The following THBS1 variants were observed in gnomAD, a reference collection of about 807,000 sequenced individuals.
The protein encoded by THBS1 is thrombospondin-1.
THBS1 carries 29 observed loss-of-function variants against 126.1 expected under a neutral mutation model. That is an observed-to-expected ratio of 0.23 (90% CI 0.17 to 0.31). THBS1 has a LOEUF of 0.31. Among genes scored for constraint, THBS1 ranks in the 10% least tolerant of loss-of-function variants. THBS1 has a pLI of 1.00. For synonymous variants in THBS1, 496 were observed against 577.8 expected (o/e 0.86, Z 2.03); for missense variants, 1,198 against 1,545.2 (o/e 0.78, Z 3.77).
rs1007339196 is a variant in THBS1, at chr15:39,582,214, T to C, written c.89T>C (p.Val30Ala). ...RIPESGGDNS[V>A]FDIFELTGAA... ...ACAGAGTCTGGCGGAGACAACAGCG[T>C]GTTTGACATCTTTGAACTCACCGGG... The change falls in exon 3 of 22, where the codon GTG becomes GCG. Residue 30 changes from valine (V) to alanine (A), a missense_variant. Coordinates refer to ENST00000260356, the MANE Select transcript of THBS1 (RefSeq NM_003246.4). 6.2e-7 allele frequency: 1 copy of C among 1,608,076 alleles called. No homozygotes were observed. The highest frequency in any genetic ancestry group is 1.3e-5 in the African/African-American group (1 of 74,614).
Position 39,596,003 on chromosome 15 carries a change from G to C in THBS1, c.*634G>C. On this transcript the variant is annotated 3_prime_UTR_variant, in exon 22 of 22. Transcript: ENST00000260356. ...AGGCACTTAAATAGAAGCAGGAAAGGGAGACAAAGACTGGCTTCTGGACTT... is the reference window on the plus strand; with the variant it reads ...AGGCACTTAAATAGAAGCAGGAAAGCGAGACAAAGACTGGCTTCTGGACTT... 5.1e-6 allele frequency: 2 copies of C among 389,094 alleles called. No homozygotes were observed. The highest frequency in any genetic ancestry group is 3.8e-5 in the South Asian group (2 of 52,292). 24.1% of individuals were successfully genotyped at this position (389,094 alleles called of 1,614,324 possible). A position where few individuals can be genotyped will look rare whatever the true frequency, so the allele number is the denominator to read the frequency against.
rs926750367 is a variant in THBS1 at position 39,597,794 on chromosome 15, T to C, written c.*2425T>C. 1 of 152,156 alleles carries C rather than the reference T, an allele frequency of 6.6e-6. No homozygotes were observed. The highest frequency in any genetic ancestry group is 1.9e-4 in the East Asian group (1 of 5,192). The allele number at this position is 152,156 out of a possible 1,614,324, so 9.4% of individuals were successfully genotyped here. A position where few individuals can be genotyped will look rare whatever the true frequency, so the allele number is the denominator to read the frequency against. On this transcript the variant is annotated 3_prime_UTR_variant, in exon 22 of 22. Transcript: ENST00000260356. ...AGATGTCATTGAATCCTTTTCAAAG[T>C]GCAGTATGAAAACAAAGGGAAAAAC... is the stretch of plus-strand genomic sequence containing the variant.
At position 39,584,437 on chromosome 15, in the gene THBS1, C is replaced by G; in HGVS notation, c.1026+15C>G. ...GTCACTGTCAGGTAAGGGACCTTCA[C>G]CAGCCAGAATAAGAATCGACGGCTT... On this transcript the variant is annotated intron_variant, in intron 6 of 21. Coordinates refer to ENST00000260356, the MANE Select transcript of THBS1 (RefSeq NM_003246.4). The G allele has an allele frequency of 1.2e-6, 2 of 1,613,820 alleles. No homozygotes were observed. Among genetic ancestry groups the G allele is most frequent in the Non-Finnish European group, 1.7e-6 (2 of 1,179,912 alleles).
rs1890369086 is a variant in THBS1, at chr15:39,593,413, T to C, written c.3012T>C (p.Asn1004=). The change falls in exon 19 of 22, where the codon AAT becomes AAC. Residue 1004 remains asparagine, a synonymous_variant. Transcript: ENST00000260356. This position sits in a 1 kb window ranked among gnomAD's most constrained non-coding sequence, Gnocchi z 5.9. ...PGLAVGYDEF[N]AVDFSGTFFI... is the part of the protein sequence containing the mutation. ...TTCTTCCAGGTTATGATGAGTTTAA[T>C]GCTGTGGACTTCAGTGGCACCTTCT... 2 of 1,614,224 alleles carry C rather than the reference T, an allele frequency of 1.2e-6. No individual in the cohort carries two copies. The highest frequency in any genetic ancestry group is 1.7e-5 in the Admixed American group (1 of 60,028).
Position 39,592,778 on chromosome 15 carries a change from A to G in THBS1, c.2743A>G (p.Asn915Asp). Reference sequence around the variant, plus strand: ...CAAGGACAACTGCAGACTCGTGCCCAATCCCGACCAGAAGGACTCTGACGG... The same window carrying G: ...CAAGGACAACTGCAGACTCGTGCCCGATCCCGACCAGAAGGACTCTGACGG... ...DDKDNCRLVPNPDQKDSDGDG... is the reference protein window; with the variant it reads ...DDKDNCRLVPDPDQKDSDGDG... Residue 915 changes from asparagine to aspartate, a missense_variant, in exon 17 of 22, where the codon AAT becomes GAT. By Grantham distance (23) the Asn-to-Asp change is conservative. This residue lies in a region of THBS1 where 255 missense variants were observed against 373.9 expected (regional missense o/e 0.68). Coordinates refer to ENST00000260356, the MANE Select transcript of THBS1 (RefSeq NM_003246.4). This position sits in a 1 kb window ranked among gnomAD's most constrained non-coding sequence, Gnocchi z 4.3. 6.2e-7 allele frequency: 1 copy of G among 1,613,872 alleles called. No individual in the cohort carries two copies. The highest frequency in any genetic ancestry group is 8.5e-7 in the Non-Finnish European group (1 of 1,179,840).
rs775640825 is a variant in THBS1, at chr15:39,592,849, T to C, written c.2767+47T>C. The C allele has an allele frequency of 1.9e-6, 3 of 1,582,612 alleles. No individual in the cohort carries two copies. Among genetic ancestry groups the C allele is most frequent in the Non-Finnish European group, 2.6e-6 (3 of 1,159,100 alleles). Reference sequence around the variant, plus strand: ...CTAAGACAGGGACTGCTGGCACAGCTGTGTAGATTGAAGAAATGAAACCAA... The same window carrying C: ...CTAAGACAGGGACTGCTGGCACAGCCGTGTAGATTGAAGAAATGAAACCAA... On this transcript the variant is annotated intron_variant, in intron 17 of 21. Transcript: ENST00000260356. The surrounding 1 kb of genome is among the most constrained non-coding windows in gnomAD (Gnocchi z 4.3).
chr15:39,581,801 C>T (rs2140342049), intron 1 of THBS1, 28 bp from the exon 2 acceptor site: 1 of 1,499,894 alleles, frequency 6.7e-7, no homozygotes, highest in East Asian at 2.3e-5. Context: ...TGATCTCTGA[C>T]CCTCGGCTCT....
rs1029711818 is a variant in THBS1, at chr15:39,595,618, T to C, written c.*249T>C. ...CATATAAACAATTGCTTTGGTTTCC[T>C]TTTGAAAAAGCATCTACTTGCTTCA... On this transcript the variant is annotated 3_prime_UTR_variant, in exon 22 of 22. Coordinates refer to ENST00000260356, the MANE Select transcript of THBS1 (RefSeq NM_003246.4). The C allele has an allele frequency of 1.1e-5, 7 of 630,684 alleles. No homozygotes were observed. Among genetic ancestry groups the C allele is most frequent in the Non-Finnish European group, 2.0e-5 (7 of 342,118 alleles). The allele number at this position is 630,684 out of a possible 1,614,324, so 39.1% of individuals were successfully genotyped here.
chr15:39,591,524 C>T lies in THBS1; in HGVS notation c.2433C>T (p.Asp811=). 2 of 1,614,190 alleles carry T rather than the reference C, an allele frequency of 1.2e-6. No individual in the cohort carries two copies. Among genetic ancestry groups the T allele is most frequent in the South Asian group, 2.2e-5 (2 of 91,086 alleles). ...IDGDGILNER[D]NCQYVYNVDQ... The stretch of plus-strand genomic sequence containing the variant: ...CTTCAGGTATCCTCAATGAACGGGA[C>T]AACTGCCAGTACGTCTACAATGTGG... The change falls in exon 16 of 22, where the codon GAC becomes GAT. Residue 811 remains aspartate (D), a synonymous_variant. Coordinates refer to ENST00000260356, the MANE Select transcript of THBS1 (RefSeq NM_003246.4).
chr15:39,592,127 A>G lies in THBS1; in HGVS notation c.2533-441A>G, dbSNP rs1263007461. ...CCAGACAGTATACAACACAGGGACC[A>G]GTGGTCTGTTTCCATCTTTTCAGGA... On this transcript the variant is annotated intron_variant, in intron 16 of 21. Coordinates refer to ENST00000260356, the MANE Select transcript of THBS1 (RefSeq NM_003246.4). The surrounding 1 kb of genome is among the most constrained non-coding windows in gnomAD (Gnocchi z 4.3). Among the ~76,000 whole-genome samples, 1 of 152,244 alleles carries G rather than the reference A, an allele frequency of 6.6e-6. No homozygotes were observed. Among genetic ancestry groups the G allele is most frequent in the Non-Finnish European group, 1.5e-5 (1 of 68,044 alleles).
At position 39,597,952 on chromosome 15, in the gene THBS1, T is replaced by A. The variant is rs574937582; in HGVS notation, c.*2583T>A. 2 of 152,322 alleles carry A rather than the reference T, an allele frequency of 1.3e-5. No individual in the cohort carries two copies. Among genetic ancestry groups the A allele is most frequent in the South Asian group, 4.1e-4 (2 of 4,828 alleles). 9.4% of individuals were successfully genotyped at this position (152,322 alleles called of 1,614,324 possible). A position where few individuals can be genotyped will look rare whatever the true frequency, so the allele number is the denominator to read the frequency against. On this transcript the variant is annotated 3_prime_UTR_variant, in exon 22 of 22. Coordinates refer to ENST00000260356, the MANE Select transcript of THBS1 (RefSeq NM_003246.4). ...TGAGGGAGGAGCTGTCCTTGCAATG[T>A]TGAGCCAAGCATTACAGATACCTCC... is the stretch of plus-strand genomic sequence containing the variant.
chr15:39,590,948 G>A (rs895935836), intron 14 of THBS1: 129 of 559,600 alleles, frequency 2.3e-4, no homozygotes, highest in Admixed American at 1.7e-4. Flanking sequence ...GGCACACTAT[G>A]AACTGAGATG....
chr15:39,599,383 A>G lies in THBS1; in HGVS notation c.*4014A>G, dbSNP rs1440030116. On this transcript the variant is annotated 3_prime_UTR_variant, in exon 22 of 22. Transcript: ENST00000260356. ...CTTCCCCCTTACCTAAATAACAGAAAGGCTCACTATGTCCCAAATATCATT... is the reference window on the plus strand; with the variant it reads ...CTTCCCCCTTACCTAAATAACAGAAGGGCTCACTATGTCCCAAATATCATT... The G allele has an allele frequency of 6.6e-6, 1 of 152,178 alleles. No individual in the cohort carries two copies. Among genetic ancestry groups the G allele is most frequent in the Admixed American group, 6.5e-5 (1 of 15,268 alleles). The allele number at this position is 152,178 out of a possible 1,614,324, so 9.4% of individuals were successfully genotyped here.
At position 39,582,305 on chromosome 15, in the gene THBS1, C is replaced by G. The variant is rs1371677727; in HGVS notation, c.180C>G (p.Arg60=). The change falls in exon 3 of 22, where the codon CGC becomes CGG. Residue 60 remains arginine (R), a synonymous_variant. Coordinates refer to ENST00000260356, the MANE Select transcript of THBS1 (RefSeq NM_003246.4). ...KGPDPSSPAF[R]IEDANLIPPV... ...CCGACCCTTCCAGCCCAGCTTTCCGCATCGAGGATGCCAACCTGATCCCCC... is the reference window on the plus strand; with the variant it reads ...CCGACCCTTCCAGCCCAGCTTTCCGGATCGAGGATGCCAACCTGATCCCCC... The G allele has an allele frequency of 6.2e-7, 1 of 1,614,246 alleles. No individual in the cohort carries two copies. The highest frequency in any genetic ancestry group is 8.5e-7 in the Non-Finnish European group (1 of 1,180,046).
intron 8 of THBS1, 91 bp from the exon 9 acceptor site, chr15:39,587,951 C>T: frequency 7.5e-7 from 1 of 1,335,484 alleles, no homozygotes; most frequent in Non-Finnish European, 1.0e-6. Context: ...TTGACCATTT[C>T]CTGGAAATAC....
intron 6 of THBS1, 130 bp from the exon 7 acceptor site, chr15:39,585,340 G>A: frequency 2.7e-6 from 2 of 747,594 alleles, no homozygotes; most frequent in Non-Finnish European, 4.6e-6. Flanking sequence ...ACAGATCTAT[G>A]AAAATCATTC....
chr15:39,590,549 G>A lies in THBS1; in HGVS notation c.2179G>A (p.Glu727Lys). The A allele has an allele frequency of 6.2e-7, 1 of 1,613,976 alleles. No homozygotes were observed. Residue 727 changes from glutamate (E) to lysine (K), a missense_variant, in exon 14 of 22, where the codon GAA (glutamate) becomes AAA (lysine). Physicochemically the swap from Glu to Lys is moderately conservative, Grantham distance 56 (BLOSUM62 1). This residue lies in a region of THBS1 where 663 missense variants were observed against 860.1 expected (regional missense o/e 0.77). Coordinates refer to ENST00000260356, the MANE Select transcript of THBS1 (RefSeq NM_003246.4). ...NCPNLPNSGQ[E>K]DYDKDGIGDA... ...CCCCAACCTTCCCAACTCAGGGCAG[G>A]AAGACTATGACAAGGATGGAATTGG...
At position 39,587,420 on chromosome 15, in the gene THBS1, A is replaced by C; in HGVS notation, c.1194A>C (p.Gly398=). The C allele has an allele frequency of 6.2e-7, 1 of 1,614,026 alleles. No individual in the cohort carries two copies. The highest frequency in any genetic ancestry group is 8.5e-7 in the Non-Finnish European group (1 of 1,180,028). Residue 398 remains glycine, a synonymous_variant, in exon 8 of 22, where the codon GGA becomes GGC. Transcript: ENST00000260356. ...WTSCSTSCGN[G]IQQRGRSCDS... ...CCTGTTCTACGAGCTGTGGCAATGG[A>C]ATTCAGCAGCGCGGCCGCTCCTGCG...
In THBS1 at chr15:39,594,086, C is replaced by T. The variant is rs1455844912; in HGVS notation, c.3268-13C>T. On this transcript the variant is annotated splice_polypyrimidine_tract_variant and intron_variant, in intron 19 of 21. Coordinates refer to ENST00000260356, the MANE Select transcript of THBS1 (RefSeq NM_003246.4). The surrounding 1 kb of genome is among the most constrained non-coding windows in gnomAD (Gnocchi z 4.4). ...GAGCTGTGTTTCAACCTTTCCTTTTCCTTTTCCTTCAGGTGCGCACCCTGT... is the reference window on the plus strand; with the variant it reads ...GAGCTGTGTTTCAACCTTTCCTTTTTCTTTTCCTTCAGGTGCGCACCCTGT... 1.2e-6 allele frequency: 2 copies of T among 1,608,588 alleles called. No individual in the cohort carries two copies. The highest frequency in any genetic ancestry group is 1.7e-4 in the Middle Eastern group (1 of 6,034).
Sources: gnomAD v4.1 joint callset for allele counts (sites outside exome capture counted in the v4.1 genomes callset) on GRCh38, gnomAD v4.1.1 for gene constraint, gnomAD v4.1.1 regional missense constraint, Gnocchi (gnomAD v3.1) non-coding constraint, MANE v1.5 for transcripts, NCBI Gene and HGNC (gene_info 2026-07-23, HGNC 2026-07-21) for gene names.